Variants in PPARGC1A observed in about 807,000 individuals in gnomAD.
PPARGC1A encodes peroxisome proliferator-activated receptor gamma coactivator 1-alpha.
PPARGC1A carries 25 observed loss-of-function variants against 88.7 expected under a neutral mutation model. The observed-to-expected ratio is 0.28, with a 90% CI of 0.21 to 0.39. The LOEUF (loss-of-function observed/expected upper bound fraction) is 0.39. PPARGC1A is among the 10% of genes least tolerant of loss of function. The pLI is 1.00. For synonymous variants in PPARGC1A, 363 were observed against 355.6 expected, an observed-to-expected ratio of 1.02 and a Z score of -0.24; for missense variants, 880 against 968.7, an observed-to-expected ratio of 0.91 and a Z score of 1.22.
chr4:23,895,456 T>A (rs1193241075), intron 1 of PPARGC1A, among the ~76,000 whole-genome samples: 2 of 151,964 alleles, frequency 1.3e-5, no homozygotes, highest in African/African-American at 4.8e-5. Flanking sequence ...CTGATATGTA[T>A]ATACATATAT....
At chr4:24,097,633 G>T in the PPARGC1A span, among the ~76,000 whole-genome samples, 6 of 152,212 alleles carry the variant, frequency 3.9e-5, 1 homozygote, top group Admixed American at 3.9e-4. Flanking sequence ...ACTGGAGGTG[G>T]CTATATATTA....
chr4:23,860,089 T>C (rs949011521), intron 2 of PPARGC1A, among the ~76,000 whole-genome samples: 5 of 151,882 alleles, frequency 3.3e-5, no homozygotes, highest in African/African-American at 9.7e-5. Context: ...CTGGCCAACA[T>C]AGTAAGACCT....
At chr4:24,051,034 A>G in the PPARGC1A span, among the ~76,000 whole-genome samples, 34 of 151,892 alleles carry the variant, frequency 2.2e-4, no homozygotes, top group Admixed American at 8.5e-4. Context: ...AAAAGTACAA[A>G]AAAAATAGCC....
chr4:23,871,628 T>C (rs1713392876), intron 2 of PPARGC1A, among the ~76,000 whole-genome samples: 1 of 152,110 alleles, frequency 6.6e-6, no homozygotes, highest in South Asian at 2.1e-4. Flanking sequence ...GGAACATATC[T>C]GGAGAGAATC....
At chr4:23,812,302 T>C (rs2109442617) in intron 10 of PPARGC1A, among the ~76,000 whole-genome samples, 1 of 152,234 alleles carries the variant, frequency 6.6e-6, no homozygotes, top group African/African-American at 2.4e-5. Flanking sequence ...CAACTTGAAC[T>C]CAGTCTCTTC....
chr4:24,413,748 A>T, the PPARGC1A span, among the ~76,000 whole-genome samples: 1 of 152,154 alleles, frequency 6.6e-6, no homozygotes, highest in Admixed American at 6.5e-5. Context: ...TCAGCCTGAG[A>T]AGACCCTGAT....
At chr4:23,892,544 GTT>G (rs34009315), upstream of PPARGC1A, among the ~76,000 whole-genome samples, 5 of 144,098 alleles carry the variant, frequency 3.5e-5, no homozygotes, top group African/African-American at 7.6e-5. Flanking sequence ...CTTCAGTCCA[GTT>G]TTTTTTTTTT....
chr4:23,888,902 T>C (rs1331822082), intron 1 of PPARGC1A: 2 of 976,566 alleles, frequency 2.0e-6, no homozygotes, highest in Non-Finnish European at 2.4e-6. Flanking sequence ...TGTTAGCAGC[T>C]GGGATCCTCC....
the PPARGC1A span, among the ~76,000 whole-genome samples, chr4:23,922,839 T>G: frequency 6.6e-6 from 1 of 152,192 alleles, no homozygotes; most frequent in African/African-American, 2.4e-5. Context: ...CGCAATTTAC[T>G]AAAGTTTGTG....
chr4:23,971,995 C>T, the PPARGC1A span, among the ~76,000 whole-genome samples: 4 of 151,956 alleles, frequency 2.6e-5, no homozygotes, highest in African/African-American at 9.7e-5. Flanking sequence ...CATAATCTAC[C>T]GTCAGGACCA....
chr4:24,024,020 T>G, the PPARGC1A span, among the ~76,000 whole-genome samples: 5 of 152,186 alleles, frequency 3.3e-5, no homozygotes, highest in Admixed American at 3.3e-4. Context: ...ATGGGCATGA[T>G]TCGCTAGTTT....
the PPARGC1A span, among the ~76,000 whole-genome samples, chr4:24,156,288 C>T: frequency 5.9e-5 from 9 of 152,206 alleles, no homozygotes; most frequent in African/African-American, 1.7e-4. Flanking sequence ...TATCCACCCC[C>T]GGGTGTTTCT....
At chr4:24,407,449 G>A in the PPARGC1A span, among the ~76,000 whole-genome samples, 5,899 of 152,144 alleles carry the variant, frequency 0.039, 166 homozygotes, top group South Asian at 0.095. Flanking sequence ...AGAATGTTCT[G>A]GTAAAATCAA....
the PPARGC1A span, among the ~76,000 whole-genome samples, chr4:24,076,057 T>C: frequency 6.6e-5 from 10 of 152,180 alleles, no homozygotes; most frequent in African/African-American, 1.4e-4. Context: ...ATTACAAATA[T>C]GTTCAAATGC....
chr4:24,413,530 G>T, the PPARGC1A span, among the ~76,000 whole-genome samples: 4 of 152,216 alleles, frequency 2.6e-5, no homozygotes, highest in Admixed American at 6.5e-5. Flanking sequence ...GGATCAAGTC[G>T]CCGAAATAAT....
the PPARGC1A span, among the ~76,000 whole-genome samples, chr4:24,407,471 C>T: frequency 6.6e-6 from 1 of 152,170 alleles, no homozygotes; most frequent in Non-Finnish European, 1.5e-5. Flanking sequence ...CATTCTCCAA[C>T]ATTGGGAAGC....
At chr4:24,199,558 T>C in the PPARGC1A span, among the ~76,000 whole-genome samples, 3 of 152,022 alleles carry the variant, frequency 2.0e-5, no homozygotes, top group Non-Finnish European at 4.4e-5. Flanking sequence ...GCATTCCTAG[T>C]AAAAGGAATG....
chr4:24,027,076 A>G, the PPARGC1A span, among the ~76,000 whole-genome samples: 1 of 152,138 alleles, frequency 6.6e-6, no homozygotes, highest in African/African-American at 2.4e-5. Context: ...GCTTTTAGTA[A>G]CAGAAAGGAC....
the PPARGC1A span, among the ~76,000 whole-genome samples, chr4:24,388,946 T>C: frequency 6.6e-6 from 1 of 152,180 alleles, no homozygotes; most frequent in Non-Finnish European, 1.5e-5. Flanking sequence ...TCTGCACATG[T>C]ATCCCAGAAC....
Sources: gnomAD v4.1 joint callset for allele counts (sites outside exome capture counted in the v4.1 genomes callset) on GRCh38, gnomAD v4.1.1 for gene constraint, MANE v1.5 for transcripts, NCBI Gene and HGNC (gene_info 2026-07-23, HGNC 2026-07-21) for gene names.